NUCKS1: variants seen among roughly 807,000 people sequenced by gnomAD.
NUCKS1 encodes nuclear ubiquitous casein and cyclin-dependent kinase substrate 1.
A neutral mutation model predicts 33.0 loss-of-function variants in NUCKS1; 2 were observed. That is an observed-to-expected ratio of 0.06 (90% CI 0.02 to 0.19). The LOEUF (loss-of-function observed/expected upper bound fraction) is 0.19, where lower values mean the gene tolerates loss of function less well. Among genes scored for constraint, NUCKS1 ranks in the 10% least tolerant of loss-of-function variants. The pLI is 1.00. For missense variants in NUCKS1, 201 were observed against 293.6 expected, an observed-to-expected ratio of 0.68 and a Z score of 2.31; for synonymous variants, 106 against 102.8, an observed-to-expected ratio of 1.03 and a Z score of -0.19.
intron 1 of NUCKS1, among the ~76,000 whole-genome samples, chr1:205,739,411 C>A (rs917109357): frequency 6.6e-6 from 1 of 152,210 alleles, no homozygotes; most frequent in African/African-American, 2.4e-5. Context: ...AGAAATCTCA[C>A]ATGCAAGATT....
intron 4 of NUCKS1, among the ~76,000 whole-genome samples, chr1:205,721,171 C>T (rs1054911176): frequency 6.6e-6 from 1 of 151,962 alleles, no homozygotes; most frequent in African/African-American, 2.4e-5. Context: ...CTAATGCATG[C>T]TGGGCTTAAT....
At chr1:205,718,957 G>T (rs540966992) in intron 6 of NUCKS1, among the ~76,000 whole-genome samples, 30 of 152,294 alleles carry the variant, frequency 2.0e-4, no homozygotes, top group African/African-American at 7.0e-4. Context: ...ACAATGACTA[G>T]TTCTACCTAA....
intron 4 of NUCKS1, among the ~76,000 whole-genome samples, 165 bp downstream of exon 4, chr1:205,723,761 A>G (rs2102432863): frequency 6.6e-6 from 1 of 152,342 alleles, no homozygotes; most frequent in South Asian, 2.1e-4. Flanking sequence ...AGATGACTGT[A>G]ATAAGCCACC....
intron 1 of NUCKS1, among the ~76,000 whole-genome samples, chr1:205,746,053 T>C (rs1028442004): frequency 1.3e-5 from 2 of 152,170 alleles, no homozygotes; most frequent in African/African-American, 2.4e-5. Context: ...CCCAGCACTT[T>C]GGGAGGCTGA....
Position 205,717,444 on chromosome 1 carries a change from A to C in NUCKS1, c.*836T>G. ...TAAAATTTTATCCAAAAAACAGGATACATATATATTTAGAGAAGGAAATAT... is the reference window on the plus strand; with the variant it reads ...TAAAATTTTATCCAAAAAACAGGATCCATATATATTTAGAGAAGGAAATAT... On this transcript the variant is annotated 3_prime_UTR_variant, in exon 7 of 7. Transcript: ENST00000367142. The C allele has an allele frequency of 1.0e-6, 1 of 984,280 alleles. No homozygotes were observed. Among genetic ancestry groups the C allele is most frequent in the Non-Finnish European group, 1.2e-6 (1 of 828,514 alleles). 61.0% of individuals were successfully genotyped at this position (984,280 alleles called of 1,614,324 possible). A position where few individuals can be genotyped will look rare whatever the true frequency, so the allele number is the denominator to read the frequency against.
chr1:205,720,697 A>T (rs752652548), intron 4 of NUCKS1, 44 bp from the exon 5 acceptor site: 149 of 1,546,660 alleles, frequency 9.6e-5, no homozygotes, highest in Non-Finnish European at 1.3e-4. Context: ...AAAGAATTTT[A>T]TATTTGACAA....
intron 1 of NUCKS1, chr1:205,731,101 G>C (rs1404881741): frequency 6.6e-6 from 1 of 152,162 alleles, no homozygotes; most frequent in African/African-American, 2.4e-5. Context: ...AATTGGTCCA[G>C]TCAAAAGATG....
intron 2 of NUCKS1, among the ~76,000 whole-genome samples, chr1:205,728,873 A>G (rs530299251): frequency 1.3e-5 from 2 of 152,348 alleles, no homozygotes; most frequent in South Asian, 4.1e-4. Flanking sequence ...GTAAAAACAT[A>G]ATACAAGGCA....
chr1:205,742,344 T>G (rs1342714729), intron 1 of NUCKS1, among the ~76,000 whole-genome samples: 4 of 152,208 alleles, frequency 2.6e-5, no homozygotes, highest in African/African-American at 9.6e-5. Flanking sequence ...GCCTGTGATC[T>G]CTTCATCTAA....
At chr1:205,739,654 G>A (rs1654116826) in intron 1 of NUCKS1, among the ~76,000 whole-genome samples, 10 of 151,964 alleles carry the variant, frequency 6.6e-5, no homozygotes, top group Admixed American at 6.6e-4. Context: ...TGGGGTTTCA[G>A]CATATTGCCC....
At chr1:205,724,207 A>G (rs1282231986) in intron 3 of NUCKS1, among the ~76,000 whole-genome samples, 1 of 152,246 alleles carries the variant, frequency 6.6e-6, no homozygotes, top group Non-Finnish European at 1.5e-5. Context: ...CTCAAAGGAA[A>G]AAAAGAAGCT....
chr1:205,748,624 C>T (rs947892542), intron 1 of NUCKS1, among the ~76,000 whole-genome samples: 3 of 152,128 alleles, frequency 2.0e-5, no homozygotes, highest in Non-Finnish European at 4.4e-5. Context: ...ATTCCCACCC[C>T]GTGTGTAGGA....
At chr1:205,732,808 A>AGC (rs1308638645) in intron 1 of NUCKS1, among the ~76,000 whole-genome samples, 4 of 147,698 alleles carry the variant, frequency 2.7e-5, no homozygotes, top group Non-Finnish European at 3.0e-5. Context: ...TAAGATGGTA[A>AGC]ATTTTATGCT....
At chr1:205,732,543 GA>G (rs1025420040) in intron 1 of NUCKS1, among the ~76,000 whole-genome samples, 1 of 152,124 alleles carries the variant, frequency 6.6e-6, no homozygotes, top group African/African-American at 2.4e-5. Flanking sequence ...AGCACTTTGG[GA>G]GGCCAAGGTG....
At chr1:205,744,604 G>A (rs1172567985) in intron 1 of NUCKS1, among the ~76,000 whole-genome samples, 2 of 137,726 alleles carry the variant, frequency 1.5e-5, no homozygotes, top group Admixed American at 1.5e-4. Flanking sequence ...TCATATCTCA[G>A]TGTGAAAATT....
chr1:205,742,811 C>A (rs1453181019), intron 1 of NUCKS1, among the ~76,000 whole-genome samples: 1 of 151,900 alleles, frequency 6.6e-6, no homozygotes, highest in East Asian at 1.9e-4. Flanking sequence ...GAGGACAGAG[C>A]GAGACTCGGT....
chr1:205,743,252 T>G (rs1473982312), intron 1 of NUCKS1, among the ~76,000 whole-genome samples: 3 of 152,254 alleles, frequency 2.0e-5, no homozygotes, highest in African/African-American at 4.8e-5. Context: ...CGGTGTTTTT[T>G]GGGCTGGAGG....
chr1:205,736,763 G>A (rs896524989), intron 1 of NUCKS1, among the ~76,000 whole-genome samples: 3 of 151,698 alleles, frequency 2.0e-5, no homozygotes, highest in African/African-American at 7.3e-5. Context: ...CCCGGGGAAC[G>A]GAGTTTGCAG....
Position 205,713,492 on chromosome 1 carries a change from A to G in NUCKS1, c.*4788T>C, listed in dbSNP as rs570394904. 1 of 152,368 alleles carries G rather than the reference A, an allele frequency of 6.6e-6. No homozygotes were observed. The highest frequency in any genetic ancestry group is 2.1e-4 in the South Asian group (1 of 4,830). The allele number at this position is 152,368 out of a possible 1,614,324, so 9.4% of individuals were successfully genotyped here. ...GTTTTTTCTTTGTCTATGCAGATAC[A>G]TACAGAGACTGGGATATGTAAAAAT... On this transcript the variant is annotated 3_prime_UTR_variant, in exon 7 of 7. Transcript: ENST00000367142.
Sources: allele counts gnomAD v4.1 joint callset (sites outside exome capture counted in the v4.1 genomes callset), GRCh38; gene constraint gnomAD v4.1.1; transcripts MANE v1.5; gene names NCBI Gene and HGNC (gene_info 2026-07-23, HGNC 2026-07-21).